The following CSGALNACT1 variants were observed in gnomAD, a reference collection of about 807,000 sequenced individuals.
CSGALNACT1 encodes beta4GalNAcT-1.
CSGALNACT1 carries 52 observed loss-of-function variants against 51.0 expected under a neutral mutation model. The ratio of observed to expected loss-of-function variants is 1.02; its 90% CI spans 0.82 to 1.29. The LOEUF (loss-of-function observed/expected upper bound fraction) is 1.29, where lower values mean the gene tolerates loss of function less well. Ranked by LOEUF, CSGALNACT1 falls within the 50% of genes most tolerant of loss-of-function variation. The pLI is 0.00. For missense variants in CSGALNACT1, 935 were observed against 679.2 expected (o/e 1.38, Z -4.19); for synonymous variants, 341 against 254.4 (o/e 1.34, Z -3.24).
At chr8:19,431,830 A>C (rs1012162568) in intron 6 of CSGALNACT1, among the ~76,000 whole-genome samples, 1 of 151,592 alleles carries the variant, frequency 6.6e-6, no homozygotes. Context: ...TTTTTAATTA[A>C]ATCAATCCAT....
At chr8:19,681,311 T>C (rs565109367) in intron 1 of CSGALNACT1, among the ~76,000 whole-genome samples, 2 of 151,974 alleles carry the variant, frequency 1.3e-5, no homozygotes, top group African/African-American at 2.4e-5. Context: ...GTGTAAGAGG[T>C]TGAGGCAAAG....
At chr8:19,507,074 G>A (rs17128528) in intron 3 of CSGALNACT1, among the ~76,000 whole-genome samples, 1 of 152,106 alleles carries the variant, frequency 6.6e-6, no homozygotes, top group Non-Finnish European at 1.5e-5. Flanking sequence ...GCACCCAGAG[G>A]TTCAAATATA....
chr8:19,742,049 C>T (rs2064350291), intron 1 of CSGALNACT1, among the ~76,000 whole-genome samples: 2 of 152,162 alleles, frequency 1.3e-5, no homozygotes, highest in South Asian at 2.1e-4. Context: ...AATGGTAGTG[C>T]CTGCCTCACA....
chr8:19,422,435 G>A (rs2058095075), intron 6 of CSGALNACT1, among the ~76,000 whole-genome samples: 1 of 151,994 alleles, frequency 6.6e-6, no homozygotes, highest in African/African-American at 2.4e-5. Context: ...CTACTGCCTC[G>A]GCCTCCCAAA....
intron 1 of CSGALNACT1, among the ~76,000 whole-genome samples, chr8:19,721,292 C>T (rs960328598): frequency 1.3e-4 from 20 of 152,182 alleles, no homozygotes; most frequent in Admixed American, 8.5e-4. Context: ...CCCAAGTCCC[C>T]AGCCAAGACC....
chr8:19,576,227 G>A (rs2044176071), intron 3 of CSGALNACT1, among the ~76,000 whole-genome samples: 1 of 152,072 alleles, frequency 6.6e-6, no homozygotes, highest in African/African-American at 2.4e-5. Context: ...ACAGAGTCTT[G>A]CTCTATCGCC....
chr8:19,543,380 T>C (rs1042397919), intron 3 of CSGALNACT1, among the ~76,000 whole-genome samples: 2 of 152,180 alleles, frequency 1.3e-5, no homozygotes, highest in Non-Finnish European at 1.5e-5. Context: ...CCCTTGACAA[T>C]GTCTGGGAAC....
chr8:19,663,194 T>C (rs2058907531), intron 1 of CSGALNACT1, among the ~76,000 whole-genome samples: 1 of 152,018 alleles, frequency 6.6e-6, no homozygotes, highest in African/African-American at 2.4e-5. Flanking sequence ...GGAACAGCAG[T>C]CTATTAAAAA....
chr8:19,557,374 G>C (rs2039700275), intron 3 of CSGALNACT1, among the ~76,000 whole-genome samples: 1 of 152,098 alleles, frequency 6.6e-6, no homozygotes, highest in South Asian at 2.1e-4. Flanking sequence ...CAAAACTAAA[G>C]TCAGATTTTG....
chr8:19,732,579 A>T (rs534732137), intron 1 of CSGALNACT1: 5 of 152,336 alleles, frequency 3.3e-5, no homozygotes, highest in Admixed American at 6.5e-5. Flanking sequence ...GGCACATGGT[A>T]GTGGCTCGAT....
chr8:19,711,045 G>C (rs926933063), intron 1 of CSGALNACT1, among the ~76,000 whole-genome samples: 1 of 151,946 alleles, frequency 6.6e-6, no homozygotes, highest in African/African-American at 2.4e-5. Flanking sequence ...TTCTAGAACT[G>C]TTTGGTCAAC....
chr8:19,689,384 T>A (rs1385602137), intron 1 of CSGALNACT1, among the ~76,000 whole-genome samples: 2 of 152,122 alleles, frequency 1.3e-5, no homozygotes, highest in Non-Finnish European at 1.5e-5. Flanking sequence ...GCAGCCATCT[T>A]GAAAGAGGAT....
At chr8:19,555,008 G>T (rs565257767) in intron 3 of CSGALNACT1, among the ~76,000 whole-genome samples, 10 of 149,060 alleles carry the variant, frequency 6.7e-5, no homozygotes, top group African/African-American at 2.1e-4. Context: ...GGGACGCCGA[G>T]CGGGGGTGAA....
chr8:19,638,177 C>T (rs997512379), intron 1 of CSGALNACT1, among the ~76,000 whole-genome samples: 8 of 152,122 alleles, frequency 5.3e-5, no homozygotes, highest in Admixed American at 2.6e-4. Context: ...ACTCCCTTCC[C>T]TGCCTCCTTA....
chr8:19,754,040 A>AT (rs11380465), intron 1 of CSGALNACT1, among the ~76,000 whole-genome samples: 79,642 of 150,560 alleles, frequency 0.53, 21,005 homozygotes, highest in Middle Eastern at 0.71. Context: ...ATGTGGCTCC[A>AT]TTTTCTTTTT....
chr8:19,669,527 C>T (rs746904009), intron 1 of CSGALNACT1, among the ~76,000 whole-genome samples: 1 of 152,250 alleles, frequency 6.6e-6, no homozygotes, highest in African/African-American at 2.4e-5. Flanking sequence ...CCTTCCTTCA[C>T]TGCAACTTCT....
At chr8:19,434,246 C>T (rs2060051563) in intron 6 of CSGALNACT1, among the ~76,000 whole-genome samples, 2 of 152,170 alleles carry the variant, frequency 1.3e-5, no homozygotes, top group African/African-American at 4.8e-5. Flanking sequence ...GCATTCTATT[C>T]CACTGCATGC....
At chr8:19,638,965 A>G (rs777200985) in intron 1 of CSGALNACT1, among the ~76,000 whole-genome samples, 20 of 152,044 alleles carry the variant, frequency 1.3e-4, no homozygotes, top group Non-Finnish European at 2.8e-4. Flanking sequence ...ACTACTGTAA[A>G]TGCCTACTTT....
At chr8:19,588,327 T>A (rs1419923152) in intron 3 of CSGALNACT1, among the ~76,000 whole-genome samples, 1 of 152,210 alleles carries the variant, frequency 6.6e-6, no homozygotes, top group Non-Finnish European at 1.5e-5. Flanking sequence ...GTTATCAGTA[T>A]CATATTAATA....
Sources: allele counts gnomAD v4.1 joint callset (sites outside exome capture counted in the v4.1 genomes callset), GRCh38; gene constraint gnomAD v4.1.1; transcripts MANE v1.5; gene names NCBI Gene and HGNC (gene_info 2026-07-23, HGNC 2026-07-21).